The following REG3G variants were observed in gnomAD, a reference collection of about 807,000 sequenced individuals.
The protein encoded by REG3G is regenerating family member 3 gamma, also known as regenerating islet-derived protein 3-gamma.
In REG3G, 19 loss-of-function variants were observed where a neutral mutation model predicts 20.9. The ratio of observed to expected loss-of-function variants is 0.91; its 90% CI spans 0.64 to 1.34. REG3G has a LOEUF of 1.34. Among genes scored for constraint, REG3G ranks in the 40% most tolerant of loss-of-function variants. The probability of loss-of-function intolerance (pLI) is 0.00; values close to 1 mark genes in which losing one functional copy is unlikely to be tolerated. For missense variants in REG3G, 235 were observed against 205.0 expected, an observed-to-expected ratio of 1.15 and a Z score of -0.89; for synonymous variants, 89 against 77.4, an observed-to-expected ratio of 1.15 and a Z score of -0.79.
Position 79,026,379 on chromosome 2 carries a change from A to G in REG3G, c.76+210A>G. On this transcript the variant is annotated intron_variant, in intron 2 of 5. Transcript: ENST00000272324. ...CAATGGAATGAGATGGCTTCCATTTAGTCAGTGGACTCTAATATACACTGG... is the reference window on the plus strand; with the variant it reads ...CAATGGAATGAGATGGCTTCCATTTGGTCAGTGGACTCTAATATACACTGG... 4.9e-6 allele frequency: 3 copies of G among 614,672 alleles called. No homozygotes were observed. In the South Asian group the frequency reaches 5.8e-5, roughly 12 times the overall value. 38.1% of individuals were successfully genotyped at this position (614,672 alleles called of 1,614,324 possible). A position where few individuals can be genotyped will look rare whatever the true frequency, so the allele number is the denominator to read the frequency against.
At chr2:79,027,742 AG>A in intron 4 of REG3G, 64 bp from the exon 5 acceptor site, 1 of 1,599,136 alleles carries the variant, frequency 6.3e-7, no homozygotes. Flanking sequence ...GTTACAGCTC[AG>A]GGGCCATGCA....
Position 79,026,047 on chromosome 2 carries a change from CCA to C in REG3G, c.-43_-42del. On this transcript the variant is annotated 5_prime_UTR_variant, in exon 2 of 6. Transcript: ENST00000272324. ...GGATATCTGTGTGTCCTCCCGCTGA[CCA>C]CACTTCCTTTAGTGACCCGATTGCC... is the stretch of plus-strand genomic sequence containing the variant. 1 of 1,583,564 alleles carries C rather than the reference CCA, an allele frequency of 6.3e-7. No homozygotes were observed. Among genetic ancestry groups the C allele is most frequent in the Non-Finnish European group, 8.7e-7 (1 of 1,152,520 alleles).
At chr2:79,025,816 C>T in intron 1 of REG3G, 43 bp downstream of exon 1, 2 of 375,312 alleles carry the variant, frequency 5.3e-6, no homozygotes, top group Non-Finnish European at 9.8e-6. Flanking sequence ...GGAAGGGCAA[C>T]CTCACATAAT....
At chr2:79,028,176 C>T (rs2103968432) in intron 5 of REG3G, 33 bp from the exon 6 acceptor site, 1 of 1,528,890 alleles carries the variant, frequency 6.5e-7, no homozygotes. Flanking sequence ...CAAGTTCCCC[C>T]AGCCCCATGC....
chr2:79,027,157 C>G lies in REG3G; in HGVS notation c.319C>G (p.His107Asp), dbSNP rs1357120242. Residue 107 changes from histidine (H) to aspartate (D), a missense_variant, in exon 4 of 6, where the codon CAT becomes GAT. Physicochemically the swap from His to Asp is moderately conservative, Grantham distance 81. Coordinates refer to ENST00000272324, the MANE Select transcript of REG3G (RefSeq NM_001008387.3). ...NSYSYIWIGL[H>D]DPTQGSEPDG... is the part of the protein sequence containing the mutation. ...CTATTCATACATCTGGATTGGGCTCCATGACCCCACACAGGTGCGAGTATA... is the reference window on the plus strand; with the variant it reads ...CTATTCATACATCTGGATTGGGCTCGATGACCCCACACAGGTGCGAGTATA... 6.2e-7 allele frequency: 1 copy of G among 1,613,854 alleles called. No individual in the cohort carries two copies. Among genetic ancestry groups the G allele is most frequent in the Non-Finnish European group, 8.5e-7 (1 of 1,179,814 alleles).
intron 4 of REG3G, 127 bp from the exon 5 acceptor site, chr2:79,027,680 G>T (rs1328614824): frequency 8.8e-6 from 9 of 1,027,470 alleles, no homozygotes; most frequent in Non-Finnish European, 1.0e-5. Flanking sequence ...GGACTCTAGG[G>T]CAGCATCTGG....
rs774433012 is a variant in REG3G, at chr2:79,027,860, T to C, written c.387T>C (p.Asn129=). 3.7e-6 allele frequency: 6 copies of C among 1,613,914 alleles called. No homozygotes were observed. The highest frequency in any genetic ancestry group is 1.6e-4 in the Middle Eastern group (1 of 6,082). ...AGTGGAGTAGCACTGATGTGATGAA[T>C]TACTTTGCATGGGAGAAAAATCCCT... The part of the protein sequence containing the change: ...GWEWSSTDVM[N]YFAWEKNPST... Residue 129 remains asparagine (N), a synonymous_variant, in exon 5 of 6, where the codon AAT becomes AAC. Coordinates refer to ENST00000272324, the MANE Select transcript of REG3G (RefSeq NM_001008387.3).
At chr2:79,027,611 T>C (rs544072517) in intron 4 of REG3G, among the ~76,000 whole-genome samples, 196 bp from the exon 5 acceptor site, 1 of 152,304 alleles carries the variant, frequency 6.6e-6, no homozygotes, top group South Asian at 2.1e-4. Context: ...AGTTCTTGTG[T>C]TTATTGGTTG....
intron 2 of REG3G, 47 bp downstream of exon 2, chr2:79,026,216 A>G (rs1161098553): frequency 1.3e-6 from 2 of 1,582,498 alleles, no homozygotes. Context: ...GAATCCTCAG[A>G]GCCAAGAAAA....
At position 79,026,187 on chromosome 2, in the gene REG3G, C is replaced by G. The variant is rs755800479; in HGVS notation, c.76+18C>G. The G allele has an allele frequency of 8.7e-6, 14 of 1,612,878 alleles. No homozygotes were observed. In the East Asian group the frequency reaches 3.1e-4, roughly 36 times the overall value. ...GGTTCAAGGTGAGATTTCTCTGCCTCTAGCACTGGGTTCCCTATGAATCCT... is the reference window on the plus strand; with the variant it reads ...GGTTCAAGGTGAGATTTCTCTGCCTGTAGCACTGGGTTCCCTATGAATCCT... On this transcript the variant is annotated intron_variant, in intron 2 of 5. Transcript: ENST00000272324.
Position 79,027,681 on chromosome 2 carries a change from C to T in REG3G, c.334-126C>T, listed in dbSNP as rs979210063. On this transcript the variant is annotated intron_variant, in intron 4 of 5. Coordinates refer to ENST00000272324, the MANE Select transcript of REG3G (RefSeq NM_001008387.3). ...GATTCCAGTGCAGAGGACTCTAGGG[C>T]AGCATCTGGAAGATCAGACCAAAAT... is the stretch of plus-strand genomic sequence containing the variant. 119 of 1,035,346 alleles carry T rather than the reference C, an allele frequency of 1.1e-4. 1 individual carries two copies. The East Asian group carries it at 2.7e-3, about 24-fold the overall frequency. 64.1% of individuals were successfully genotyped at this position (1,035,346 alleles called of 1,614,324 possible). A position where few individuals can be genotyped will look rare whatever the true frequency, so the allele number is the denominator to read the frequency against.
intron 2 of REG3G, 171 bp downstream of exon 2, chr2:79,026,340 C>T (rs1482633051): frequency 1.5e-6 from 1 of 658,716 alleles, no homozygotes; most frequent in Non-Finnish European, 2.7e-6. Flanking sequence ...GGAGGCTCCA[C>T]TGTGGTCCAC....
chr2:79,027,237 G>A (rs1671648451), intron 4 of REG3G, 66 bp downstream of exon 4: 5 of 1,529,706 alleles, frequency 3.3e-6, no homozygotes, highest in African/African-American at 2.7e-5. Flanking sequence ...CGCACTCCCT[G>A]TCCCCAGTCC....
At position 79,025,711 on chromosome 2, in the gene REG3G, A is replaced by T. The variant is rs1378316786; in HGVS notation, c.-174A>T. ...ATTCACTCCAGTGACCATCCCTGAG[A>T]TCTTTTTATAAAAAACCCAGTCTTT... On this transcript the variant is annotated 5_prime_UTR_variant, in exon 1 of 6. Transcript: ENST00000272324. The T allele has an allele frequency of 2.7e-5, 5 of 183,588 alleles. No individual in the cohort carries two copies. Among genetic ancestry groups the T allele is most frequent in the Admixed American group, 2.2e-4 (4 of 18,228 alleles). 11.4% of individuals were successfully genotyped at this position (183,588 alleles called of 1,614,324 possible). A position where few individuals can be genotyped will look rare whatever the true frequency, so the allele number is the denominator to read the frequency against.
At chr2:79,028,071 T>A (rs1039775287) in intron 5 of REG3G, 138 bp downstream of exon 5, 7 of 1,284,758 alleles carry the variant, frequency 5.4e-6, no homozygotes, top group Non-Finnish European at 7.8e-6. Flanking sequence ...TCTGCCTTCT[T>A]TGAGTCTCAT....
chr2:79,026,036 C>T lies in REG3G; in HGVS notation c.-58C>T, dbSNP rs1671608493. The T allele has an allele frequency of 6.5e-7, 1 of 1,528,434 alleles. No individual in the cohort carries two copies. Among genetic ancestry groups the T allele is most frequent in the Admixed American group, 1.7e-5 (1 of 59,670 alleles). 94.7% of individuals were successfully genotyped at this position (1,528,434 alleles called of 1,614,324 possible). ...AAGAGGCAGTAGGATATCTGTGTGT[C>T]CTCCCGCTGACCACACTTCCTTTAG... is the stretch of plus-strand genomic sequence containing the variant. On this transcript the variant is annotated 5_prime_UTR_variant, in exon 2 of 6. Transcript: ENST00000272324.
rs1275354688 is a variant in REG3G at position 79,026,741 on chromosome 2, T to G, written c.105T>G (p.Ser35=). Residue 35 remains serine (S), a synonymous_variant, in exon 3 of 6, where the codon TCT becomes TCG. Coordinates refer to ENST00000272324, the MANE Select transcript of REG3G (RefSeq NM_001008387.3). ...AAGAAACCCAGAAGGAACTGCCCTC[T>G]CCACGGATCAGCTGTCCCAAAGGCT... is the stretch of plus-strand genomic sequence containing the variant. ...QGEETQKELP[S]PRISCPKGSK... is the part of the protein sequence containing the mutation. 1 of 1,613,700 alleles carries G rather than the reference T, an allele frequency of 6.2e-7. No homozygotes were observed. The highest frequency in any genetic ancestry group is 8.5e-7 in the Non-Finnish European group (1 of 1,179,898).
chr2:79,028,291 C>T lies in REG3G; in HGVS notation c.*15C>T, dbSNP rs1316097779. ...TCAAGGACTAGGGCAGGTGGGAAGT[C>T]AGCAGCCTGAGCTTGGCGTGCAGCT... On this transcript the variant is annotated 3_prime_UTR_variant, in exon 6 of 6. Coordinates refer to ENST00000272324, the MANE Select transcript of REG3G (RefSeq NM_001008387.3). The T allele has an allele frequency of 6.3e-7, 1 of 1,582,148 alleles. No homozygotes were observed. Among genetic ancestry groups the T allele is most frequent in the East Asian group, 2.2e-5 (1 of 44,626 alleles).
In REG3G at chr2:79,027,063, A is replaced by C. The variant is rs200629498; in HGVS notation, c.225A>C (p.Lys75Asn). ...DLACQKRPSGKLVSVLSGAEG... is the reference protein window; with the variant it reads ...DLACQKRPSGNLVSVLSGAEG... ...CTTGCCAGAAGCGGCCCTCTGGAAA[A>C]CTGGTGTCTGTGCTCAGTGGGGCTG... The change falls in exon 4 of 6, where the codon AAA becomes AAC. Residue 75 changes from lysine (K) to asparagine (N), a missense_variant. Coordinates refer to ENST00000272324, the MANE Select transcript of REG3G (RefSeq NM_001008387.3). 8.7e-5 allele frequency: 140 copies of C among 1,613,800 alleles called. 1 individual carries two copies. Among genetic ancestry groups the C allele is most frequent in the African/African-American group, 2.7e-5 (2 of 74,850 alleles).
Sources: allele counts gnomAD v4.1 joint callset (sites outside exome capture counted in the v4.1 genomes callset), GRCh38; gene constraint gnomAD v4.1.1; transcripts MANE v1.5; gene names NCBI Gene and HGNC (gene_info 2026-07-23, HGNC 2026-07-21).